The following SND1 variants were observed in gnomAD, a reference collection of about 807,000 sequenced individuals.
The protein encoded by SND1 is staphylococcal nuclease domain-containing protein 1.
SND1 carries 38 observed loss-of-function variants against 121.7 expected under a neutral mutation model. The observed-to-expected ratio is 0.31, with a 90% CI of 0.24 to 0.41. The LOEUF (loss-of-function observed/expected upper bound fraction) is 0.41. Among genes scored for constraint, SND1 ranks in the 10% least tolerant of loss-of-function variants. SND1 has a pLI of 1.00. For missense variants in SND1, 868 were observed against 1,184.6 expected (o/e 0.73, Z 3.92); for synonymous variants, 401 against 447.4 (o/e 0.90, Z 1.31).
At chr7:127,945,629 G>T (rs1801313574) in intron 15 of SND1, among the ~76,000 whole-genome samples, 1 of 152,106 alleles carries the variant, frequency 6.6e-6, no homozygotes, top group South Asian at 2.1e-4. Context: ...TTAATTCCTA[G>T]ATCTGCCCCC....
At chr7:127,707,446 C>G in intron 8 of SND1, 111 bp from the exon 9 acceptor site, 1 of 727,116 alleles carries the variant, frequency 1.4e-6, no homozygotes, top group South Asian at 1.8e-5. Flanking sequence ...AGTCTTTCTT[C>G]TGGATACATC....
At chr7:128,087,168 T>A in intron 21 of SND1, 117 bp downstream of exon 21, 1 of 741,408 alleles carries the variant, frequency 1.3e-6, no homozygotes, top group South Asian at 1.8e-5. Flanking sequence ...TTAGTAATAG[T>A]ACTCAAGAGA....
In SND1 at chr7:128,091,876, G is replaced by T. The variant is rs1295852424; in HGVS notation, c.2662G>T (p.Ala888Ser). ...GAATGCCCAAGAGTCAGCCAAGAGC[G>T]CCAGGGTGAGTTCTTACCTTGGGAG... Reference protein sequence around the residue: ...YLNAQESAKSARLNLWRYGDF... With the variant: ...YLNAQESAKSSRLNLWRYGDF... The change falls in exon 23 of 24, where the codon GCC (alanine) becomes TCC (serine). Residue 888 changes from alanine to serine, a missense_variant. Coordinates refer to ENST00000354725, the MANE Select transcript of SND1 (RefSeq NM_014390.4). 1 of 1,614,184 alleles carries T rather than the reference G, an allele frequency of 6.2e-7. No individual in the cohort carries two copies. Among genetic ancestry groups the T allele is most frequent in the East Asian group, 2.2e-5 (1 of 44,876 alleles).
At position 127,895,077 on chromosome 7, in the gene SND1, A is replaced by C. The variant is rs114079003; in HGVS notation, c.1454+7065A>C. ...CTTTTTTATGCCATCTCTCATTTCT[A>C]TTAAATTGTCCTGTGAGAGTATATT... On this transcript the variant is annotated intron_variant, in intron 13 of 23. Coordinates refer to ENST00000354725, the MANE Select transcript of SND1 (RefSeq NM_014390.4). Among the ~76,000 whole-genome samples the C allele has an allele frequency of 2.4e-3, 363 of 151,642 alleles. 1 individual carries two copies. The highest frequency in any genetic ancestry group is 8.4e-3 in the African/African-American group (345 of 41,308).
Position 127,695,611 on chromosome 7 carries a change from C to G in SND1, c.349+663C>G, listed in dbSNP as rs116883754. ...CTTTGGGAGTGTGAGGCAGGAGGAT[C>G]TCTTAAGCACAAGAGTTCGAGACCA... On this transcript the variant is annotated intron_variant, in intron 3 of 23. Coordinates refer to ENST00000354725, the MANE Select transcript of SND1 (RefSeq NM_014390.4). 4.9e-4 allele frequency among the ~76,000 whole-genome samples: 74 copies of G among 152,284 alleles called. No individual in the cohort carries two copies. The East Asian group carries it at 0.013, about 27-fold the overall frequency.
rs1795799842 is a variant in SND1 at position 127,685,698 on chromosome 7, C to T, written c.79-915C>T. 2.0e-5 allele frequency among the ~76,000 whole-genome samples: 3 copies of T among 152,186 alleles called. No homozygotes were observed. In the South Asian group the frequency reaches 6.2e-4, roughly 31 times the overall value. On this transcript the variant is annotated intron_variant, in intron 1 of 23. Transcript: ENST00000354725. The stretch of plus-strand genomic sequence containing the variant: ...TTAGAGAGATGAAAGGAGCCACTGA[C>T]TGCACTTGGGAGCCTTAAGGTGTTT...
At chr7:127,811,219 A>G (rs1798329874) in intron 11 of SND1, among the ~76,000 whole-genome samples, 1 of 152,186 alleles carries the variant, frequency 6.6e-6, no homozygotes, top group Admixed American at 6.5e-5. Flanking sequence ...TTTCTTGATC[A>G]GTGCAGACAT....
At chr7:127,891,736 A>C (rs996884180) in intron 13 of SND1, among the ~76,000 whole-genome samples, 1 of 152,056 alleles carries the variant, frequency 6.6e-6, no homozygotes, top group African/African-American at 2.4e-5. Context: ...TGTTGACCCC[A>C]AGTCTCTCAC....
At chr7:127,829,825 A>G (rs1022430675) in intron 11 of SND1, among the ~76,000 whole-genome samples, 1 of 152,228 alleles carries the variant, frequency 6.6e-6, no homozygotes, top group East Asian at 1.9e-4. Flanking sequence ...CCATTTATAC[A>G]GAATTTTTAT....
At position 127,857,946 on chromosome 7, in the gene SND1, G is replaced by T. The variant is rs767518859; in HGVS notation, c.1343+13522G>T. The T allele has an allele frequency of 7.4e-6, 10 of 1,360,136 alleles. No individual in the cohort carries two copies. In the African/African-American group the frequency reaches 1.4e-4, roughly 19 times the overall value. 84.3% of individuals were successfully genotyped at this position (1,360,136 alleles called of 1,614,324 possible). A position where few individuals can be genotyped will look rare whatever the true frequency, so the allele number is the denominator to read the frequency against. On this transcript the variant is annotated intron_variant, in intron 12 of 23. Coordinates refer to ENST00000354725, the MANE Select transcript of SND1 (RefSeq NM_014390.4). ...AAACACCATCAGGAAAGTAGCCTTC[G>T]CTCACCCAGGTCTGCATCTGGTCGC... is the stretch of plus-strand genomic sequence containing the variant.
At chr7:128,032,460 T>G (rs1477801650) in intron 16 of SND1, among the ~76,000 whole-genome samples, 1 of 151,440 alleles carries the variant, frequency 6.6e-6, no homozygotes, top group Non-Finnish European at 1.5e-5. Context: ...TTTGGGCCGG[T>G]CGGAGGGAGC....
intron 15 of SND1, among the ~76,000 whole-genome samples, chr7:127,939,908 T>G (rs1349057971): frequency 6.6e-6 from 1 of 152,206 alleles, no homozygotes; most frequent in African/African-American, 2.4e-5. Context: ...AGCGTTCTAT[T>G]GTGCTTTTTA....
chr7:127,913,037 G>A (rs1800492147), intron 14 of SND1, among the ~76,000 whole-genome samples: 1 of 152,208 alleles, frequency 6.6e-6, no homozygotes, highest in South Asian at 2.1e-4. Context: ...TAGGGAGCTA[G>A]GATTGGACTT....
intron 10 of SND1, among the ~76,000 whole-genome samples, chr7:127,781,961 A>G (rs1797731386): frequency 6.6e-6 from 1 of 152,182 alleles, no homozygotes; most frequent in Non-Finnish European, 1.5e-5. Context: ...ACTTAAGACA[A>G]CATCCCATAA....
chr7:128,087,155 C>T, intron 21 of SND1, 104 bp downstream of exon 21: 2 of 835,286 alleles, frequency 2.4e-6, no homozygotes, highest in Non-Finnish European at 1.9e-6. Flanking sequence ...CTATGATGGT[C>T]TCTTAGTAAT....
intron 10 of SND1, among the ~76,000 whole-genome samples, chr7:127,731,623 C>T (rs1796678276): frequency 6.6e-6 from 1 of 152,172 alleles, no homozygotes; most frequent in Non-Finnish European, 1.5e-5. Flanking sequence ...GTTCTTTCAG[C>T]CTAGACACTC....
intron 1 of SND1, among the ~76,000 whole-genome samples, chr7:127,667,344 T>C (rs1334817929): frequency 2.6e-5 from 4 of 152,210 alleles, no homozygotes; most frequent in Admixed American, 2.0e-4. Context: ...CTAAGATATT[T>C]CAAGATCTCT....
At chr7:127,707,740 T>A in intron 9 of SND1, 93 bp downstream of exon 9, 2 of 1,091,646 alleles carry the variant, frequency 1.8e-6, no homozygotes, top group Non-Finnish European at 1.4e-6. Flanking sequence ...CTGAAGCTCT[T>A]GAAAATTTCA....
chr7:127,860,365 C>T (rs1231478347), intron 12 of SND1, among the ~76,000 whole-genome samples: 1 of 152,162 alleles, frequency 6.6e-6, no homozygotes, highest in African/African-American at 2.4e-5. Flanking sequence ...TTCCCAGGCT[C>T]TTGATTTTAA....
Sources: gnomAD v4.1 joint callset for allele counts (sites outside exome capture counted in the v4.1 genomes callset) on GRCh38, gnomAD v4.1.1 for gene constraint, MANE v1.5 for transcripts, NCBI Gene and HGNC (gene_info 2026-07-23, HGNC 2026-07-21) for gene names.